Variants in GRID1 observed in about 807,000 individuals in gnomAD.
The protein encoded by GRID1 is glutamate receptor ionotropic, delta-1.
Under a neutral mutation model 98.0 loss-of-function variants are expected in GRID1, and 28 were observed. The observed-to-expected ratio is 0.29, with a 90% CI of 0.21 to 0.39. The LOEUF is 0.39. Ranked by LOEUF, GRID1 falls within the 10% of genes least tolerant of loss-of-function variation. GRID1 has a pLI of 1.00. For synonymous variants in GRID1, 553 were observed against 538.5 expected (o/e 1.03, Z -0.37); for missense variants, 1,111 against 1,340.5 (o/e 0.83, Z 2.67).
chr10:86,289,110 G>A (rs1343258220), intron 2 of GRID1, among the ~76,000 whole-genome samples: 1 of 152,172 alleles, frequency 6.6e-6, no homozygotes, highest in Non-Finnish European at 1.5e-5. Context: ...GAAGATCCCT[G>A]TCACTCAAGG....
At chr10:85,870,781 G>A (rs977761363) in intron 5 of GRID1, among the ~76,000 whole-genome samples, 1 of 152,192 alleles carries the variant, frequency 6.6e-6, no homozygotes, top group Admixed American at 6.5e-5. Flanking sequence ...TGCTTGTGGG[G>A]CAGAAGGAAC....
intron 4 of GRID1, among the ~76,000 whole-genome samples, chr10:86,128,559 G>A (rs542945938): frequency 6.6e-6 from 1 of 152,250 alleles, no homozygotes; most frequent in South Asian, 2.1e-4. Context: ...ACTGGGGAGA[G>A]GGAGAGGCCA....
At chr10:85,802,838 A>ACACAC in intron 8 of GRID1, among the ~76,000 whole-genome samples, 1 of 120,966 alleles carries the variant, frequency 8.3e-6, no homozygotes, top group Non-Finnish European at 1.7e-5. Context: ...AAGCAGAATA[A>ACACAC]ACACACACAC....
At chr10:85,919,587 C>A (rs367995914) in intron 4 of GRID1, among the ~76,000 whole-genome samples, 3 of 152,182 alleles carry the variant, frequency 2.0e-5, no homozygotes, top group Non-Finnish European at 4.4e-5. Flanking sequence ...ATGCTCACAC[C>A]CCAGTGGGCA....
intron 2 of GRID1, among the ~76,000 whole-genome samples, chr10:86,263,325 C>G (rs1169481438): frequency 6.6e-6 from 1 of 152,268 alleles, no homozygotes; most frequent in Non-Finnish European, 1.5e-5. Flanking sequence ...CCATTGTAAA[C>G]CGGCCTTGGA....
chr10:85,985,492 A>G (rs1390530033), intron 4 of GRID1, among the ~76,000 whole-genome samples: 1 of 152,210 alleles, frequency 6.6e-6, no homozygotes, highest in East Asian at 1.9e-4. Flanking sequence ...CAGAGGCCAG[A>G]AGCAGGGTTT....
At chr10:86,203,927 C>A (rs1845989599) in intron 3 of GRID1, among the ~76,000 whole-genome samples, 1 of 152,158 alleles carries the variant, frequency 6.6e-6, no homozygotes, top group African/African-American at 2.4e-5. Context: ...GCAGCCTCAA[C>A]CAACCAGCTG....
chr10:86,007,826 AT>A (rs1842881444), intron 4 of GRID1, among the ~76,000 whole-genome samples: 1 of 138,280 alleles, frequency 7.2e-6, no homozygotes, highest in African/African-American at 3.3e-5. Context: ...GTGTTTTTTT[AT>A]TTATTTATTT....
At chr10:85,945,755 T>C (rs1254673676) in intron 4 of GRID1, among the ~76,000 whole-genome samples, 1 of 152,234 alleles carries the variant, frequency 6.6e-6, no homozygotes, top group Non-Finnish European at 1.5e-5. Context: ...CCTGAGATAC[T>C]TCACTGTGGA....
Position 85,729,535 on chromosome 10 carries a change from G to C in GRID1, c.1313C>G (p.Thr438Ser). The C allele has an allele frequency of 1.2e-6, 2 of 1,609,502 alleles. No homozygotes were observed. The highest frequency in any genetic ancestry group is 1.7e-6 in the Non-Finnish European group (2 of 1,176,020). The change falls in exon 9 of 16, where the codon ACT (threonine) becomes AGT (serine). Residue 438 changes from threonine (T) to serine (S), a missense_variant. Physicochemically the swap from Thr to Ser is moderately conservative, Grantham distance 58. Around this residue, in one of 3 missense-constraint regions of GRID1, gnomAD observed 762 missense variants for 869.1 expected, o/e 0.88. Coordinates refer to ENST00000327946, the MANE Select transcript of GRID1 (RefSeq NM_017551.3). ...TACCAAGACAGTCACCACTTTAAGAGTCAATCCTTGGAGGCGGCTGCCCAT... is the reference window on the plus strand; with the variant it reads ...TACCAAGACAGTCACCACTTTAAGACTCAATCCTTGGAGGCGGCTGCCCAT... ...RPMGSRLQGL[T>S]LKVVTVLEEP...
Position 85,724,371 on chromosome 10 carries a change from A to G in GRID1, c.1839T>C (p.Tyr613=), listed in dbSNP as rs778303166. The G allele has an allele frequency of 2.5e-6, 4 of 1,614,078 alleles. No homozygotes were observed. Among genetic ancestry groups the G allele is most frequent in the Admixed American group, 3.3e-5 (2 of 60,022 alleles). ...AGGTACCTTGCTGTACGAAGGCTCC[A>G]TAGACAATCCAGATGGCGCTGTGCA... ...ATLHSAIWIV[Y]GAFVQQGGES... is the part of the protein sequence containing the mutation. Residue 613 remains tyrosine, a synonymous_variant, in exon 11 of 16, where the codon TAT becomes TAC. Transcript: ENST00000327946.
intron 3 of GRID1, among the ~76,000 whole-genome samples, chr10:86,143,019 T>C (rs1197408157): frequency 6.6e-6 from 1 of 152,220 alleles, no homozygotes; most frequent in African/African-American, 2.4e-5. Context: ...CTGGCTTCTA[T>C]TCCAGCAGCC....
intron 4 of GRID1, among the ~76,000 whole-genome samples, chr10:86,041,754 A>C (rs1369963024): frequency 6.6e-6 from 1 of 152,240 alleles, no homozygotes; most frequent in African/African-American, 2.4e-5. Context: ...TCTGTGACCC[A>C]AGAGTCACTA....
chr10:85,929,444 T>G (rs907494377), intron 4 of GRID1, among the ~76,000 whole-genome samples: 1 of 152,242 alleles, frequency 6.6e-6, no homozygotes, highest in African/African-American at 2.4e-5. Context: ...CTCTGTGAGT[T>G]GACCAGTGTC....
intron 2 of GRID1, among the ~76,000 whole-genome samples, chr10:86,361,215 G>T (rs755089694): frequency 1.3e-5 from 2 of 152,188 alleles, no homozygotes; most frequent in Admixed American, 6.5e-5. Context: ...CAAGGGAAAA[G>T]GAGGCTGCTG....
chr10:85,991,336 C>G (rs1038278390), intron 4 of GRID1, among the ~76,000 whole-genome samples: 1 of 152,102 alleles, frequency 6.6e-6, no homozygotes, highest in Non-Finnish European at 1.5e-5. Context: ...GTAGAGAATT[C>G]TTTTTGGGAT....
intron 5 of GRID1, among the ~76,000 whole-genome samples, chr10:85,904,363 A>G (rs1841430367): frequency 6.6e-6 from 1 of 152,234 alleles, no homozygotes; most frequent in South Asian, 2.1e-4. Flanking sequence ...GAGAATTTCC[A>G]TGACACAGTG....
chr10:85,946,883 G>A (rs1017854388), intron 4 of GRID1, among the ~76,000 whole-genome samples: 1 of 152,156 alleles, frequency 6.6e-6, no homozygotes, highest in Non-Finnish European at 1.5e-5. Flanking sequence ...GCCAATAGTA[G>A]GTGAATATGA....
chr10:85,622,804 G>A (rs1011963187), intron 13 of GRID1, among the ~76,000 whole-genome samples: 2 of 152,204 alleles, frequency 1.3e-5, no homozygotes, highest in Admixed American at 6.5e-5. Flanking sequence ...GTGTGGAGAT[G>A]AGAAAGAGGG....
Sources: gnomAD v4.1 joint callset for allele counts (sites outside exome capture counted in the v4.1 genomes callset) on GRCh38, gnomAD v4.1.1 for gene constraint, gnomAD v4.1.1 regional missense constraint, MANE v1.5 for transcripts, NCBI Gene and HGNC (gene_info 2026-07-23, HGNC 2026-07-21) for gene names.